The following SAMMSON variants were observed in gnomAD, a reference collection of about 807,000 sequenced individuals.
SAMMSON encodes survival associated mitochondrial melanoma specific oncogenic non-coding RNA, also known as long intergenic non-protein coding RNA 1212.
chr3:70,053,036 A>C (rs543475219), intron 3 of SAMMSON, among the ~76,000 whole-genome samples: 1 of 152,154 alleles, frequency 6.6e-6, no homozygotes, highest in Non-Finnish European at 1.5e-5. Flanking sequence ...GTGCTCTGAA[A>C]AGCAGAGCAT....
At chr3:70,032,241 T>C (rs2067068806) in intron 3 of SAMMSON, among the ~76,000 whole-genome samples, 1 of 152,024 alleles carries the variant, frequency 6.6e-6, no homozygotes, top group African/African-American at 2.4e-5. Context: ...TATGTCAGAG[T>C]ACATCAAGCA....
intron 7 of SAMMSON, among the ~76,000 whole-genome samples, chr3:70,346,358 C>A (rs1702750801): frequency 1.3e-5 from 2 of 151,158 alleles, no homozygotes; most frequent in African/African-American, 4.9e-5. Context: ...AACTCATCAC[C>A]CAACCCAGGG....
chr3:70,414,167 C>T lies in SAMMSON; in HGVS notation n.234-48393C>T, dbSNP rs1559584288. ...AGTTTGTAAAGTCTTGTGTGAGGCA[C>T]AAATTTTGACAAGTATAAAACTGAT... On this transcript the variant is annotated intron_variant and non_coding_transcript_variant, in intron 2 of 3. Transcript: ENST00000641053. Among the ~76,000 whole-genome samples the T allele has an allele frequency of 2.0e-5, 3 of 152,034 alleles. No individual in the cohort carries two copies. The East Asian group carries it at 5.8e-4, about 29-fold the overall frequency.
chr3:70,090,039 C>G (rs1439513064), intron 4 of SAMMSON, among the ~76,000 whole-genome samples: 1 of 152,042 alleles, frequency 6.6e-6, no homozygotes, highest in Non-Finnish European at 1.5e-5. Flanking sequence ...TCTTTCCTAC[C>G]CTTTTTTTCC....
intron 4 of SAMMSON, among the ~76,000 whole-genome samples, chr3:70,244,351 T>C (rs1426824594): frequency 6.6e-6 from 1 of 152,196 alleles, no homozygotes; most frequent in Non-Finnish European, 1.5e-5. Flanking sequence ...CCTCTTTGAG[T>C]GAGTTACATC....
intron 1 of SAMMSON, among the ~76,000 whole-genome samples, chr3:70,002,731 A>G (rs1400454009): frequency 6.6e-6 from 1 of 152,154 alleles, no homozygotes; most frequent in African/African-American, 2.4e-5. Flanking sequence ...AACATACTCT[A>G]TATGGTTCCA....
intron 4 of SAMMSON, among the ~76,000 whole-genome samples, chr3:70,152,844 G>A (rs1046112324): frequency 3.3e-5 from 5 of 151,998 alleles, no homozygotes; most frequent in Admixed American, 6.6e-5. Flanking sequence ...ATATGGGGGC[G>A]TTCCAGGGGG....
At position 70,349,357 on chromosome 3, in the gene SAMMSON, G is replaced by T. The variant is rs555546126; in HGVS notation, n.740-4818G>T. On this transcript the variant is annotated intron_variant and non_coding_transcript_variant, in intron 7 of 9. Coordinates refer to ENST00000642114, the Ensembl canonical transcript of SAMMSON. ...CCACTGCACTCCAGCCTAGGCAACA[G>T]AGTGAAACTCGGTCTTAAAAAAAAA... Among the ~76,000 whole-genome samples, 214 of 152,130 alleles carry T rather than the reference G, an allele frequency of 1.4e-3. 1 individual carries two copies. Among genetic ancestry groups the T allele is most frequent in the African/African-American group, 5.0e-3 (208 of 41,508 alleles).
intron 4 of SAMMSON, chr3:70,071,569 A>G (rs1274573766): frequency 6.6e-6 from 1 of 152,034 alleles, no homozygotes; most frequent in East Asian, 1.9e-4. Context: ...ATTTTCTGTA[A>G]GTAAATGTGG....
At chr3:70,244,889 A>T (rs112976577) in intron 4 of SAMMSON, among the ~76,000 whole-genome samples, 3,866 of 152,304 alleles carry the variant, frequency 0.025, 77 homozygotes, top group Non-Finnish European at 0.034. Flanking sequence ...ATGTACTTTA[A>T]AAAGGAAATT....
chr3:70,176,415 C>A (rs2106702806), intron 4 of SAMMSON, among the ~76,000 whole-genome samples: 1 of 152,268 alleles, frequency 6.6e-6, no homozygotes. Flanking sequence ...GAGATGACAT[C>A]ATCATTTGAG....
rs145688729 is a variant in SAMMSON, at chr3:70,035,261, C to T, written n.417+21589C>T. On this transcript the variant is annotated intron_variant and non_coding_transcript_variant, in intron 3 of 9. Transcript: ENST00000642114. ...GCTGTCCACATCCTGTTTCATGTGT[C>T]CCCCAGCCCCTTCTTGAAGTCAGTA... 6.0e-4 allele frequency among the ~76,000 whole-genome samples: 92 copies of T among 152,174 alleles called. 1 individual carries two copies. Among genetic ancestry groups the T allele is most frequent in the Admixed American group, 5.0e-3 (77 of 15,272 alleles).
intron 2 of SAMMSON, among the ~76,000 whole-genome samples, chr3:70,400,651 G>A (rs1701132668): frequency 6.6e-6 from 1 of 152,118 alleles, no homozygotes; most frequent in Admixed American, 6.5e-5. Context: ...GTGGTTGTTG[G>A]CTAGGCAAGG....
intron 2 of SAMMSON, among the ~76,000 whole-genome samples, chr3:70,404,134 G>A (rs930805961): frequency 6.6e-6 from 1 of 151,854 alleles, no homozygotes; most frequent in Non-Finnish European, 1.5e-5. Context: ...TTAAATTTAA[G>A]CTAATTTAGC....
At chr3:70,052,169 G>A (rs7620183) in intron 3 of SAMMSON, among the ~76,000 whole-genome samples, 2,890 of 140,430 alleles carry the variant, frequency 0.021, 95 homozygotes, top group African/African-American at 0.073. Flanking sequence ...TCTTAACTCT[G>A]TAACTACTTA....
chr3:70,369,950 C>T (rs994119691), intron 9 of SAMMSON, among the ~76,000 whole-genome samples: 3 of 151,690 alleles, frequency 2.0e-5, no homozygotes, highest in African/African-American at 7.3e-5. Flanking sequence ...ATTAACCAAC[C>T]TCTCTTTATC....
At chr3:70,345,178 C>T (rs1309428137) in intron 7 of SAMMSON, among the ~76,000 whole-genome samples, 2 of 152,154 alleles carry the variant, frequency 1.3e-5, no homozygotes, top group Non-Finnish European at 2.9e-5. Context: ...TTATCTCTAA[C>T]CTCCTGCTCC....
intron 7 of SAMMSON, among the ~76,000 whole-genome samples, chr3:70,304,569 T>C (rs141704362): frequency 6.6e-6 from 1 of 152,110 alleles, no homozygotes; most frequent in South Asian, 2.1e-4. Flanking sequence ...ATTCCTTTCT[T>C]TGTATCACCC....
At chr3:70,136,894 A>G (rs2067508151) in intron 4 of SAMMSON, among the ~76,000 whole-genome samples, 1 of 152,246 alleles carries the variant, frequency 6.6e-6, no homozygotes, top group South Asian at 2.1e-4. Context: ...AACAGAAAAC[A>G]TATTCAAAGG....
Sources: allele counts gnomAD v4.1 joint callset (sites outside exome capture counted in the v4.1 genomes callset), GRCh38; gene constraint gnomAD v4.1.1; transcripts MANE v1.5; gene names NCBI Gene and HGNC (gene_info 2026-07-23, HGNC 2026-07-21).